ZMYND8: variants seen among roughly 807,000 people sequenced by gnomAD.
ZMYND8 encodes zinc finger MYND-type containing 8.
A neutral mutation model predicts 140.8 loss-of-function variants in ZMYND8; 37 were observed. The ratio of observed to expected loss-of-function variants is 0.26; its 90% CI spans 0.20 to 0.35. The LOEUF (loss-of-function observed/expected upper bound fraction) is 0.35, where lower values mean the gene tolerates loss of function less well. ZMYND8 is among the 10% of genes least tolerant of loss of function. ZMYND8 has a pLI of 1.00. For missense variants in ZMYND8, 1,068 were observed against 1,570.0 expected, an observed-to-expected ratio of 0.68 and a Z score of 5.40; for synonymous variants, 592 against 597.1, an observed-to-expected ratio of 0.99 and a Z score of 0.12.
intron 5 of ZMYND8, among the ~76,000 whole-genome samples, chr20:47,292,799 C>T (rs1431821678): frequency 6.6e-6 from 1 of 151,988 alleles, no homozygotes; most frequent in Non-Finnish European, 1.5e-5. Context: ...TGCCTGTGAT[C>T]CCAGCACTTT....
intron 11 of ZMYND8, among the ~76,000 whole-genome samples, chr20:47,263,983 G>A (rs978313967): frequency 6.6e-6 from 1 of 152,194 alleles, no homozygotes; most frequent in African/African-American, 2.4e-5. Flanking sequence ...ATTGCATCCA[G>A]ACATTTTAGG....
chr20:47,296,445 G>A (rs760520561), intron 4 of ZMYND8, among the ~76,000 whole-genome samples: 1 of 152,110 alleles, frequency 6.6e-6, no homozygotes, highest in African/African-American at 2.4e-5. Context: ...TGCAAGGAGA[G>A]ACATCCTCCT....
chr20:47,219,977 A>G (rs112029814), intron 21 of ZMYND8, among the ~76,000 whole-genome samples: 1 of 152,090 alleles, frequency 6.6e-6, no homozygotes, highest in Admixed American at 6.6e-5. Context: ...CACTTCTTCT[A>G]CCCTACCCCA....
intron 14 of ZMYND8, among the ~76,000 whole-genome samples, chr20:47,242,951 A>G (rs1435916652): frequency 1.3e-5 from 2 of 152,176 alleles, no homozygotes; most frequent in East Asian, 3.8e-4. Flanking sequence ...AAATTAACCT[A>G]CTTAATTCCT....
intron 8 of ZMYND8, among the ~76,000 whole-genome samples, chr20:47,284,590 G>A (rs142588952): frequency 4.2e-4 from 64 of 152,110 alleles, no homozygotes; most frequent in East Asian, 3.9e-3. Flanking sequence ...CAGCAGTTCC[G>A]CTCCCCAACC....
chr20:47,236,968 C>T (rs2147158308), intron 15 of ZMYND8, among the ~76,000 whole-genome samples: 1 of 152,316 alleles, frequency 6.6e-6, no homozygotes, highest in East Asian at 1.9e-4. Context: ...TCCCTACTCC[C>T]TCATTCTCCC....
Position 47,295,832 on chromosome 20 carries a change from T to C in ZMYND8, c.454-1053A>G, listed in dbSNP as rs114349763. Reference sequence around the variant, plus strand: ...ATCTTAAGGCTTCAGAATCCTTATGTAGCAGCAACAACAAAAATAGCAAAT... The same window carrying C: ...ATCTTAAGGCTTCAGAATCCTTATGCAGCAGCAACAACAAAAATAGCAAAT... On this transcript the variant is annotated intron_variant, in intron 4 of 22. Transcript: ENST00000471951. 2.5e-3 allele frequency among the ~76,000 whole-genome samples: 385 copies of C among 152,342 alleles called. 2 individuals are homozygous for C. Among genetic ancestry groups the C allele is most frequent in the African/African-American group, 7.8e-3 (325 of 41,582 alleles).
chr20:47,210,583 A>T lies in ZMYND8; in HGVS notation c.*178T>A, dbSNP rs1278475938. 1 of 863,774 alleles carries T rather than the reference A, an allele frequency of 1.2e-6. No homozygotes were observed. Among genetic ancestry groups the T allele is most frequent in the Non-Finnish European group, 1.8e-6 (1 of 544,816 alleles). 53.5% of individuals were successfully genotyped at this position (863,774 alleles called of 1,614,324 possible). ...GTGTGGGTGAACAGTCTGCAGTCAA[A>T]GCCGATGCTGGGTGTCCTGTAGTGT... On this transcript the variant is annotated 3_prime_UTR_variant, in exon 23 of 23. Coordinates refer to ENST00000471951, the MANE Select transcript of ZMYND8 (RefSeq NM_001281775.3).
At chr20:47,327,958 G>A (rs1225722706) in intron 2 of ZMYND8, among the ~76,000 whole-genome samples, 5 of 152,102 alleles carry the variant, frequency 3.3e-5, no homozygotes, top group African/African-American at 4.8e-5. Flanking sequence ...GAGGCTACAG[G>A]TGCATGCCAC....
At chr20:47,313,447 C>A (rs1450672874) in intron 2 of ZMYND8, among the ~76,000 whole-genome samples, 2 of 151,208 alleles carry the variant, frequency 1.3e-5, no homozygotes, top group East Asian at 3.9e-4. Context: ...ATGGTGAAAC[C>A]CCGTCTCTAC....
rs771515471 is a variant in ZMYND8 at position 47,276,470 on chromosome 20, G to A, written c.1324C>T (p.Arg442Cys). ...GGCATATCCGACAAGGAAATCCGGC[G>A]GCCTGTGCCCCCACTCAGCACAGGC... ...SKPVLSGGTG[R>C]RISLSDMPRS... is the part of the protein sequence containing the mutation. Residue 442 changes from arginine to cysteine, a missense_variant, in exon 11 of 23, where the codon CGC becomes TGC. Around this residue, in one of 10 missense-constraint regions of ZMYND8, gnomAD observed 173 missense variants for 223.3 expected, o/e 0.77. Transcript: ENST00000471951. The A allele has an allele frequency of 3.1e-5, 50 of 1,613,718 alleles. No individual in the cohort carries two copies. Among genetic ancestry groups the A allele is most frequent in the Non-Finnish European group, 4.1e-5 (48 of 1,179,842 alleles).
At chr20:47,221,882 G>T (rs747086769) in intron 19 of ZMYND8, among the ~76,000 whole-genome samples, 32 of 152,278 alleles carry the variant, frequency 2.1e-4, no homozygotes, top group Non-Finnish European at 7.4e-5. Context: ...GGTCAAGCTG[G>T]TATTGAACTC....
chr20:47,335,425 C>T (rs534302367), intron 2 of ZMYND8, among the ~76,000 whole-genome samples: 4 of 152,112 alleles, frequency 2.6e-5, no homozygotes, highest in Admixed American at 2.6e-4. Flanking sequence ...ACCCTCACCC[C>T]CCCACAGCCA....
intron 2 of ZMYND8, among the ~76,000 whole-genome samples, chr20:47,340,077 A>C (rs1001887494): frequency 6.6e-6 from 1 of 150,722 alleles, no homozygotes; most frequent in Admixed American, 6.6e-5. Context: ...TGAGTAGCTG[A>C]GATTACAGGT....
chr20:47,269,713 T>G (rs2075792547), intron 11 of ZMYND8, among the ~76,000 whole-genome samples: 1 of 152,130 alleles, frequency 6.6e-6, no homozygotes, highest in Non-Finnish European at 1.5e-5. Context: ...TTCCCTCCCA[T>G]GCACCCCAGC....
intron 11 of ZMYND8, among the ~76,000 whole-genome samples, chr20:47,274,155 A>G (rs1263612318): frequency 2.0e-5 from 3 of 152,210 alleles, no homozygotes; most frequent in Non-Finnish European, 4.4e-5. Context: ...AATTAAACAC[A>G]TTATCCCTGT....
chr20:47,232,473 C>T (rs531473129), intron 16 of ZMYND8, among the ~76,000 whole-genome samples: 1 of 151,914 alleles, frequency 6.6e-6, no homozygotes. Flanking sequence ...GTGGGAGGGT[C>T]GCTTGAACCC....
At position 47,210,515 on chromosome 20, in the gene ZMYND8, C is replaced by T. The variant is rs1600807329; in HGVS notation, c.*246G>A. The T allele has an allele frequency of 2.6e-5, 9 of 352,668 alleles. No homozygotes were observed. In the East Asian group the frequency reaches 4.4e-4, roughly 17 times the overall value. 21.8% of individuals were successfully genotyped at this position (352,668 alleles called of 1,614,324 possible). Reference sequence around the variant, plus strand: ...GGGGAAAGTCCTCTAGATTCAATGACATCCACAAATTGTACATTATTTACA... The same window carrying T: ...GGGGAAAGTCCTCTAGATTCAATGATATCCACAAATTGTACATTATTTACA... On this transcript the variant is annotated 3_prime_UTR_variant, in exon 23 of 23. Transcript: ENST00000471951.
At position 47,214,686 on chromosome 20, in the gene ZMYND8, G is replaced by A. The variant is rs139884535; in HGVS notation, c.3485-1961C>T. On this transcript the variant is annotated intron_variant, in intron 21 of 22. Transcript: ENST00000471951. ...TTTTTTGTACTTTTAGTAGAGACGG[G>A]GTTTCACCATGTTGGTCAGGCTGGT... 7.2e-3 allele frequency among the ~76,000 whole-genome samples: 1,097 copies of A among 152,142 alleles called. 18 individuals are homozygous for A. Among genetic ancestry groups the A allele is most frequent in the African/African-American group, 0.025 (1,036 of 41,496 alleles).
Sources: gnomAD v4.1 joint callset for allele counts (sites outside exome capture counted in the v4.1 genomes callset) on GRCh38, gnomAD v4.1.1 for gene constraint, gnomAD v4.1.1 regional missense constraint, MANE v1.5 for transcripts, NCBI Gene and HGNC (gene_info 2026-07-23, HGNC 2026-07-21) for gene names.